PFN2: variants seen among roughly 807,000 people sequenced by gnomAD.
PFN2 encodes profilin-2.
A neutral mutation model predicts 15.3 loss-of-function variants in PFN2; 8 were observed. That is an observed-to-expected ratio of 0.52 (90% CI 0.31 to 0.95). The LOEUF (loss-of-function observed/expected upper bound fraction) is 0.95. Among genes scored for constraint, PFN2 ranks in the 40% least tolerant of loss-of-function variants. PFN2 has a pLI of 0.05. For synonymous variants in PFN2, 79 were observed against 67.9 expected (o/e 1.16, Z -0.81); for missense variants, 111 against 182.3 (o/e 0.61, Z 2.25).
In PFN2 at chr3:149,965,771, G is replaced by A; in HGVS notation, c.*718C>T. 3 of 1,050,714 alleles carry A rather than the reference G, an allele frequency of 2.9e-6. No individual in the cohort carries two copies. The highest frequency in any genetic ancestry group is 3.4e-6 in the Non-Finnish European group (3 of 871,828). 65.1% of individuals were successfully genotyped at this position (1,050,714 alleles called of 1,614,324 possible). A position where few individuals can be genotyped will look rare whatever the true frequency, so the allele number is the denominator to read the frequency against. ...GCATGCACTTTTTCCTCCCAACCATGCGCTACAAAAGGAAGACTAAATGAG... is the reference window on the plus strand; with the variant it reads ...GCATGCACTTTTTCCTCCCAACCATACGCTACAAAAGGAAGACTAAATGAG... On this transcript the variant is annotated 3_prime_UTR_variant, in exon 3 of 3. Coordinates refer to ENST00000239940, the MANE Select transcript of PFN2 (RefSeq NM_053024.4).
chr3:149,967,230 G>T (rs970425221), intron 2 of PFN2, among the ~76,000 whole-genome samples: 1 of 152,146 alleles, frequency 6.6e-6, no homozygotes, highest in Non-Finnish European at 1.5e-5. Flanking sequence ...CAATTCAAAG[G>T]TGTATAACCC....
In PFN2 at chr3:149,966,370, A is replaced by G; in HGVS notation, c.*119T>C. 1 of 1,587,340 alleles carries G rather than the reference A, an allele frequency of 6.3e-7. No individual in the cohort carries two copies. Among genetic ancestry groups the G allele is most frequent in the Non-Finnish European group, 8.6e-7 (1 of 1,168,566 alleles). ...ACCAACAGAGGGATACAAAGGAGAC[A>G]CAGGTTCATACCCCATCACCCTGCA... is the stretch of plus-strand genomic sequence containing the variant. On this transcript the variant is annotated 3_prime_UTR_variant, in exon 3 of 3. Coordinates refer to ENST00000239940, the MANE Select transcript of PFN2 (RefSeq NM_053024.4).
chr3:149,965,332 G>A lies in PFN2; in HGVS notation c.*1157C>T. On this transcript the variant is annotated 3_prime_UTR_variant, in exon 3 of 3. Coordinates refer to ENST00000239940, the MANE Select transcript of PFN2 (RefSeq NM_053024.4). ...AGAACAAACTGGACACACTCCAGAT[G>A]GTTATGTTGGGATACCTAATGTCCA... The A allele has an allele frequency of 6.6e-7, 1 of 1,523,566 alleles. No homozygotes were observed. Among genetic ancestry groups the A allele is most frequent in the Non-Finnish European group, 8.7e-7 (1 of 1,143,184 alleles). 94.4% of individuals were successfully genotyped at this position (1,523,566 alleles called of 1,614,324 possible).
chr3:149,969,505 C>T (rs1722786671), intron 1 of PFN2, among the ~76,000 whole-genome samples: 1 of 152,118 alleles, frequency 6.6e-6, no homozygotes, highest in Admixed American at 6.5e-5. Context: ...ATGCCAATTC[C>T]CTACAAGAAT....
chr3:149,965,950 G>A lies in PFN2; in HGVS notation c.*539C>T, dbSNP rs1365035074. The A allele has an allele frequency of 3.7e-6, 5 of 1,333,652 alleles. No individual in the cohort carries two copies. The highest frequency in any genetic ancestry group is 4.2e-5 in the South Asian group (2 of 47,574). The allele number at this position is 1,333,652 out of a possible 1,614,324, so 82.6% of individuals were successfully genotyped here. A position where few individuals can be genotyped will look rare whatever the true frequency, so the allele number is the denominator to read the frequency against. On this transcript the variant is annotated 3_prime_UTR_variant, in exon 3 of 3. Coordinates refer to ENST00000239940, the MANE Select transcript of PFN2 (RefSeq NM_053024.4). Reference sequence around the variant, plus strand: ...GCATGCCCCCTCCCCCCAATTTCAAGGTATCATGCAAATCATTATTGTGCT... The same window carrying A: ...GCATGCCCCCTCCCCCCAATTTCAAAGTATCATGCAAATCATTATTGTGCT...
intron 1 of PFN2, chr3:149,970,440 C>T (rs770725437): frequency 2.7e-4 from 73 of 265,810 alleles, no homozygotes; most frequent in Non-Finnish European, 4.3e-4. Context: ...GTGCCCCCTC[C>T]CCCAACCCGG....
At chr3:149,967,821 C>G (rs1357031392) in intron 2 of PFN2, among the ~76,000 whole-genome samples, 1 of 152,116 alleles carries the variant, frequency 6.6e-6, no homozygotes, top group African/African-American at 2.4e-5. Context: ...GTCTCAGACA[C>G]AATCTTTGAA....
rs538997109 is a variant in PFN2, at chr3:149,965,991, GAT to G, written c.*496_*497del. On this transcript the variant is annotated 3_prime_UTR_variant, in exon 3 of 3. Coordinates refer to ENST00000239940, the MANE Select transcript of PFN2 (RefSeq NM_053024.4). The stretch of plus-strand genomic sequence containing the variant: ...TTATTGTGCTGCAATTATGTTGCCA[GAT>G]AAGGGTTGGTTACATACAGTGGTTA... 2.3e-3 allele frequency: 3,194 copies of G among 1,395,108 alleles called. 5 individuals are homozygous for G. The highest frequency in any genetic ancestry group is 2.8e-3 in the Non-Finnish European group (3,062 of 1,078,494). 86.4% of individuals were successfully genotyped at this position (1,395,108 alleles called of 1,614,324 possible). A position where few individuals can be genotyped will look rare whatever the true frequency, so the allele number is the denominator to read the frequency against.
Position 149,965,935 on chromosome 3 carries a change from T to G in PFN2, c.*554A>C. On this transcript the variant is annotated 3_prime_UTR_variant, in exon 3 of 3. Transcript: ENST00000239940. ...GTGATGCCCAACTTGGCATGCCCCC[T>G]CCCCCCAATTTCAAGGTATCATGCA... The G allele has an allele frequency of 7.6e-7, 1 of 1,320,934 alleles. No homozygotes were observed. Among genetic ancestry groups the G allele is most frequent in the Non-Finnish European group, 9.6e-7 (1 of 1,038,646 alleles). The allele number at this position is 1,320,934 out of a possible 1,614,324, so 81.8% of individuals were successfully genotyped here.
chr3:149,969,556 A>G lies in PFN2; in HGVS notation c.133-1006T>C, dbSNP rs190096727. 1.9e-3 allele frequency among the ~76,000 whole-genome samples: 283 copies of G among 152,340 alleles called. 1 individual carries two copies. The highest frequency in any genetic ancestry group is 6.5e-3 in the African/African-American group (271 of 41,572). ...GTATACGAGACCTTAAAGTACTACT[A>G]TCAAGGACTGAGTTCTAAAGTTAGA... On this transcript the variant is annotated intron_variant, in intron 1 of 2. Transcript: ENST00000239940.
In PFN2 at chr3:149,965,181, A is replaced by G. The variant is rs1722649537; in HGVS notation, c.*1308T>C. The G allele has an allele frequency of 2.0e-6, 3 of 1,481,560 alleles. No homozygotes were observed. Among genetic ancestry groups the G allele is most frequent in the Non-Finnish European group, 2.7e-6 (3 of 1,110,196 alleles). The allele number at this position is 1,481,560 out of a possible 1,614,324, so 91.8% of individuals were successfully genotyped here. ...AGTTAAAATCCATCTCACAATAGCA[A>G]CAGTTCATTTTAACAATAGTATGGC... On this transcript the variant is annotated 3_prime_UTR_variant, in exon 3 of 3. Coordinates refer to ENST00000239940, the MANE Select transcript of PFN2 (RefSeq NM_053024.4).
chr3:149,968,234 G>T (rs1167360589), intron 2 of PFN2, 124 bp downstream of exon 2: 1 of 781,292 alleles, frequency 1.3e-6, no homozygotes, highest in Non-Finnish European at 2.2e-6. Flanking sequence ...CCATAGTGCT[G>T]GGCAGTTCAC....
In PFN2 at chr3:149,965,024, G is replaced by C; in HGVS notation, c.*1465C>G. ...TGTATCCCAGATGTAACAAAGTGCA[G>C]GGAAAGAAATGGACAAATCAGCAAC... On this transcript the variant is annotated 3_prime_UTR_variant, in exon 3 of 3. Transcript: ENST00000239940. The C allele has an allele frequency of 1.9e-6, 1 of 525,872 alleles. No individual in the cohort carries two copies. Among genetic ancestry groups the C allele is most frequent in the Non-Finnish European group, 3.3e-6 (1 of 301,980 alleles). 32.6% of individuals were successfully genotyped at this position (525,872 alleles called of 1,614,324 possible).
chr3:149,969,379 G>C (rs1171129722), intron 1 of PFN2, among the ~76,000 whole-genome samples: 1 of 152,188 alleles, frequency 6.6e-6, no homozygotes, highest in African/African-American at 2.4e-5. Context: ...CATCAGAACT[G>C]CAGAGTCATA....
At position 149,970,716 on chromosome 3, in the gene PFN2, G is replaced by C. The variant is rs1722841180; in HGVS notation, c.132+9C>G. 6.6e-7 allele frequency: 1 copy of C among 1,504,358 alleles called. No individual in the cohort carries two copies. 93.2% of individuals were successfully genotyped at this position (1,504,358 alleles called of 1,614,324 possible). On this transcript the variant is annotated intron_variant, in intron 1 of 2. Coordinates refer to ENST00000239940, the MANE Select transcript of PFN2 (RefSeq NM_053024.4). ...AGGGACCAGGGTACCGGCCGCCACT[G>C]GTCCTCACCGTAATGCTCTGAAAGA...
intron 1 of PFN2, 88 bp from the exon 2 acceptor site, chr3:149,968,638 T>C: frequency 1.8e-6 from 2 of 1,124,524 alleles, no homozygotes; most frequent in South Asian, 3.0e-5. Context: ...CAGGAAGGGC[T>C]GTAGCTAGGC....
chr3:149,969,759 G>A (rs1443954051), intron 1 of PFN2, among the ~76,000 whole-genome samples: 3 of 152,114 alleles, frequency 2.0e-5, no homozygotes, highest in Non-Finnish European at 4.4e-5. Context: ...ACAATAAGCT[G>A]GAGGTTTTGT....
intron 1 of PFN2, among the ~76,000 whole-genome samples, chr3:149,969,306 A>G (rs1178841943): frequency 6.6e-6 from 1 of 152,232 alleles, no homozygotes; most frequent in Non-Finnish European, 1.5e-5. Context: ...GGTAGCCACC[A>G]GAACCGGAAA....
Position 149,967,367 on chromosome 3 carries a change from G to T in PFN2, c.326-781C>A, listed in dbSNP as rs553328768. Among the ~76,000 whole-genome samples the T allele has an allele frequency of 1.8e-3, 278 of 152,288 alleles. 1 individual carries two copies. Among genetic ancestry groups the T allele is most frequent in the African/African-American group, 6.3e-3 (262 of 41,536 alleles). ...CTTTTCAGCGTATAGTGCAGCTAAG[G>T]TTTAAAGAGATTTGTCACTATTTCA... is the stretch of plus-strand genomic sequence containing the variant. On this transcript the variant is annotated intron_variant, in intron 2 of 2. Transcript: ENST00000239940.
Sources: gnomAD v4.1 joint callset for allele counts (sites outside exome capture counted in the v4.1 genomes callset) on GRCh38, gnomAD v4.1.1 for gene constraint, MANE v1.5 for transcripts, NCBI Gene and HGNC (gene_info 2026-07-23, HGNC 2026-07-21) for gene names.